The following ZFAND4 variants were observed in gnomAD, a reference collection of about 807,000 sequenced individuals.
ZFAND4 encodes the protein AN1-type zinc finger protein 4.
ZFAND4 carries 43 observed loss-of-function variants against 64.4 expected under a neutral mutation model. The observed-to-expected ratio is 0.67, with a 90% CI of 0.52 to 0.86. The LOEUF is 0.86. Ranked by LOEUF, ZFAND4 falls within the 40% of genes least tolerant of loss-of-function variation. The pLI is 0.00. For synonymous variants in ZFAND4, 296 were observed against 305.7 expected (o/e 0.97, Z 0.33); for missense variants, 929 against 859.8 (o/e 1.08, Z -1.01).
chr10:45,661,771 T>A (rs542509270), intron 2 of ZFAND4, among the ~76,000 whole-genome samples: 75 of 151,976 alleles, frequency 4.9e-4, no homozygotes, highest in African/African-American at 1.7e-3. Context: ...TGAAACCCCA[T>A]CTCTACTAAA....
At chr10:45,629,744 T>C (rs1012784780) in intron 6 of ZFAND4, among the ~76,000 whole-genome samples, 1 of 152,088 alleles carries the variant, frequency 6.6e-6, no homozygotes, top group Non-Finnish European at 1.5e-5. Flanking sequence ...GAGCCCGTAG[T>C]CCCAGCTACT....
chr10:45,643,625 G>A (rs977481955), intron 5 of ZFAND4, among the ~76,000 whole-genome samples: 11 of 146,028 alleles, frequency 7.5e-5, no homozygotes, highest in Admixed American at 3.5e-4. Flanking sequence ...AGCCAAGATC[G>A]TGCCACTGCA....
intron 4 of ZFAND4, chr10:45,649,597 A>G (rs2133776385): frequency 6.6e-6 from 1 of 152,356 alleles, no homozygotes; most frequent in East Asian, 1.9e-4. Flanking sequence ...AAATTCAATA[A>G]CACTATTACT....
intron 8 of ZFAND4, among the ~76,000 whole-genome samples, chr10:45,622,364 A>G (rs1434593303): frequency 1.8e-4 from 27 of 152,240 alleles, no homozygotes; most frequent in Admixed American, 1.7e-3. Flanking sequence ...AGACCTAAAC[A>G]TAAGACCTAA....
intron 6 of ZFAND4, among the ~76,000 whole-genome samples, chr10:45,632,900 A>C (rs1423266539): frequency 6.6e-6 from 1 of 152,220 alleles, no homozygotes; most frequent in African/African-American, 2.4e-5. Context: ...AAGTAACTTA[A>C]AAGTTAATAA....
At position 45,639,894 on chromosome 10, in the gene ZFAND4, C is replaced by T; in HGVS notation, c.639G>A (p.Gln213=). The T allele has an allele frequency of 6.2e-7, 1 of 1,613,584 alleles. No homozygotes were observed. The highest frequency in any genetic ancestry group is 8.5e-7 in the Non-Finnish European group (1 of 1,179,904). The change falls in exon 6 of 10, where the codon CAG becomes CAA. Residue 213 remains glutamine (Q), a synonymous_variant. Coordinates refer to ENST00000344646, the MANE Select transcript of ZFAND4 (RefSeq NM_174890.4). The part of the protein sequence containing the change: ...EETEPSSSGQ[Q]IIENSITMNK... ...TCATAGTTATTGAATTTTCAATTAT[C>T]TGTTGCCCAGAAGAAGAAGGCTCAG...
chr10:45,642,078 A>T (rs1212125946), intron 5 of ZFAND4, among the ~76,000 whole-genome samples: 1 of 152,172 alleles, frequency 6.6e-6, no homozygotes, highest in Non-Finnish European at 1.5e-5. Context: ...GTGCATGAAG[A>T]TTTTCGTCAT....
Position 45,626,491 on chromosome 10 carries a change from A to C in ZFAND4, c.1332T>G (p.His444Gln), listed in dbSNP as rs145352444. 1.2e-5 allele frequency: 19 copies of C among 1,613,724 alleles called. No individual in the cohort carries two copies. In the African/African-American group the frequency reaches 2.0e-4, roughly 17 times the overall value. The change falls in exon 7 of 10, where the codon CAT becomes CAG. Residue 444 changes from histidine (H) to glutamine (Q), a missense_variant. Transcript: ENST00000344646. ...ATTCCCCATTCAGCACTCCTGCAACATGCTTGAGATGCTGCTCTGGAGCTT... is the reference window on the plus strand; with the variant it reads ...ATTCCCCATTCAGCACTCCTGCAACCTGCTTGAGATGCTGCTCTGGAGCTT... The part of the protein sequence containing the change: ...GLKAPEQHLK[H>Q]VAGVLNGESV...
chr10:45,661,075 G>A (rs1473338904), intron 2 of ZFAND4, among the ~76,000 whole-genome samples: 1 of 152,126 alleles, frequency 6.6e-6, no homozygotes, highest in Admixed American at 6.5e-5. Flanking sequence ...CAAAGGAAGA[G>A]GGCTGGGCCT....
intron 7 of ZFAND4, among the ~76,000 whole-genome samples, chr10:45,625,348 C>G (rs1161301360): frequency 2.0e-5 from 3 of 151,336 alleles, no homozygotes; most frequent in African/African-American, 7.3e-5. Context: ...GTGGTAGGTG[C>G]CTGTAGTCCC....
chr10:45,617,605 A>G (rs935720098), intron 9 of ZFAND4, among the ~76,000 whole-genome samples: 3 of 150,318 alleles, frequency 2.0e-5, no homozygotes, highest in South Asian at 2.1e-4. Flanking sequence ...AAAAAAAAAA[A>G]AAAAAAAAGT....
chr10:45,667,148 G>A (rs1437017700), intron 1 of ZFAND4, among the ~76,000 whole-genome samples: 2 of 152,034 alleles, frequency 1.3e-5, no homozygotes, highest in Non-Finnish European at 2.9e-5. Flanking sequence ...TTATTTCAAT[G>A]TTTTATAATT....
intron 1 of ZFAND4, 26 bp from the exon 2 acceptor site, chr10:45,663,868 A>T: frequency 3.3e-6 from 2 of 606,948 alleles, no homozygotes; most frequent in Non-Finnish European, 5.2e-6. Flanking sequence ...TTTTTTTAAC[A>T]AGCCTATCTG....
At position 45,639,946 on chromosome 10, in the gene ZFAND4, T is replaced by G; in HGVS notation, c.587A>C (p.Asn196Thr). The G allele has an allele frequency of 6.2e-7, 1 of 1,610,834 alleles. No homozygotes were observed. Among genetic ancestry groups the G allele is most frequent in the South Asian group, 1.1e-5 (1 of 90,472 alleles). The part of the protein sequence containing the change: ...EHRMSGGSMY[N>T]SDTDEDEETE... ...TTCTTCATCCTCATCTGTATCTGAATTATACATAGAACCACCACTGCAAAG... is the reference window on the plus strand; with the variant it reads ...TTCTTCATCCTCATCTGTATCTGAAGTATACATAGAACCACCACTGCAAAG... Residue 196 changes from asparagine (N) to threonine (T), a missense_variant, in exon 6 of 10, where the codon AAT becomes ACT. Asn to Thr is a moderately conservative substitution (Grantham distance 65, BLOSUM62 0). Coordinates refer to ENST00000344646, the MANE Select transcript of ZFAND4 (RefSeq NM_174890.4).
At chr10:45,622,117 T>C (rs1210229859) in intron 8 of ZFAND4, among the ~76,000 whole-genome samples, 1 of 152,052 alleles carries the variant, frequency 6.6e-6, no homozygotes, top group African/African-American at 2.4e-5. Context: ...GTCAATAAAT[T>C]ACAGTAATAA....
In ZFAND4 at chr10:45,626,796, G is replaced by T; in HGVS notation, c.1027C>A (p.His343Asn). Residue 343 changes from histidine (H) to asparagine (N), a missense_variant, in exon 7 of 10, where the codon CAT becomes AAT. His to Asn is a moderately conservative substitution (Grantham distance 68, BLOSUM62 1). Coordinates refer to ENST00000344646, the MANE Select transcript of ZFAND4 (RefSeq NM_174890.4). ...SNVKLPPQIP[H>N]LELGNDQELA... The stretch of plus-strand genomic sequence containing the variant: ...TCCTGGTCATTTCCCAACTCCAAAT[G>T]GGGTATCTGAGGAGGTAGTTTGACG... The T allele has an allele frequency of 1.9e-6, 3 of 1,614,214 alleles. No homozygotes were observed. Among genetic ancestry groups the T allele is most frequent in the Non-Finnish European group, 2.5e-6 (3 of 1,180,030 alleles).
intron 6 of ZFAND4, among the ~76,000 whole-genome samples, chr10:45,635,206 AAAAAAAACAAAAAAAAAACAAAC>A (rs1174992103): frequency 2.8e-5 from 4 of 144,952 alleles, no homozygotes; most frequent in East Asian, 2.0e-4. Context: ...AAAAAAAAAA[AAAAAAAACAAAAAAAAAACAAAC>A]AAAAAAAAAC....
Position 45,631,318 on chromosome 10 carries a change from CAA to C in ZFAND4, c.718-4215_718-4214del, listed in dbSNP as rs35859169. 5.2e-4 allele frequency among the ~76,000 whole-genome samples: 61 copies of C among 116,698 alleles called. 1 individual carries two copies. The highest frequency in any genetic ancestry group is 9.3e-3 in the Middle Eastern group (2 of 216). 76.6% of individuals were successfully genotyped at this position (116,698 alleles called of 152,430 possible). A position where few individuals can be genotyped will look rare whatever the true frequency, so the allele number is the denominator to read the frequency against. On this transcript the variant is annotated intron_variant, in intron 6 of 9. Coordinates refer to ENST00000344646, the MANE Select transcript of ZFAND4 (RefSeq NM_174890.4). The stretch of plus-strand genomic sequence containing the variant: ...GGCAACACAGCAAGACTCCGCCCCC[CAA>C]AAAAAAAAAATTCCAAAAAAGAAAA...
intron 6 of ZFAND4, among the ~76,000 whole-genome samples, chr10:45,629,131 C>T (rs575745720): frequency 6.6e-6 from 1 of 152,132 alleles, no homozygotes; most frequent in South Asian, 2.1e-4. Context: ...GGCTAGAGTG[C>T]AGTGGTACAA....
Sources: gnomAD v4.1 joint callset for allele counts (sites outside exome capture counted in the v4.1 genomes callset) on GRCh38, gnomAD v4.1.1 for gene constraint, MANE v1.5 for transcripts, NCBI Gene and HGNC (gene_info 2026-07-23, HGNC 2026-07-21) for gene names.